Variants in PPM1G observed in about 807,000 individuals in gnomAD.
PPM1G encodes the protein protein phosphatase, Mg2+/Mn2+ dependent 1G, also known as protein phosphatase 1G.
In PPM1G, 12 loss-of-function variants were observed where a neutral mutation model predicts 59.4. The observed-to-expected ratio is 0.20, with a 90% CI of 0.13 to 0.33. The LOEUF (loss-of-function observed/expected upper bound fraction) is 0.33, where lower values mean the gene tolerates loss of function less well. Among genes scored for constraint, PPM1G ranks in the 10% least tolerant of loss-of-function variants. The pLI, the probability that PPM1G is intolerant of heterozygous loss-of-function variation, is 1.00. For missense variants in PPM1G, 392 were observed against 681.3 expected, an observed-to-expected ratio of 0.58 and a Z score of 4.73; for synonymous variants, 245 against 251.9, an observed-to-expected ratio of 0.97 and a Z score of 0.26.
At chr2:27,407,345 G>C (rs968384923) in intron 1 of PPM1G, among the ~76,000 whole-genome samples, 2 of 152,078 alleles carry the variant, frequency 1.3e-5, no homozygotes, top group African/African-American at 2.4e-5. Context: ...CTCAATGAAG[G>C]CTCTGCCTCT....
At chr2:27,405,710 AC>A (rs1450879943) in intron 1 of PPM1G, among the ~76,000 whole-genome samples, 2 of 151,608 alleles carry the variant, frequency 1.3e-5, no homozygotes, top group Admixed American at 1.3e-4. Context: ...TATTTTGATT[AC>A]CTTTTCTCAA....
chr2:27,383,755 A>G lies in PPM1G; in HGVS notation c.967-155T>C, dbSNP rs1683697063. Reference sequence around the variant, plus strand: ...CACATTTCATCTTTCTAGAGACAGCAGCACACTCCCTCTCCCTTGTTTTTA... The same window carrying G: ...CACATTTCATCTTTCTAGAGACAGCGGCACACTCCCTCTCCCTTGTTTTTA... On this transcript the variant is annotated intron_variant, in intron 6 of 9. Coordinates refer to ENST00000344034, the MANE Select transcript of PPM1G (RefSeq NM_177983.3). This position sits in a 1 kb window ranked among gnomAD's most constrained non-coding sequence, Gnocchi z 5.0. Among the ~76,000 whole-genome samples the G allele has an allele frequency of 6.6e-6, 1 of 152,216 alleles. No homozygotes were observed.
rs544049025 is a variant in PPM1G at position 27,383,254 on chromosome 2, A to C, written c.1201+112T>G. The C allele has an allele frequency of 8.2e-6, 7 of 855,160 alleles. No individual in the cohort carries two copies. The highest frequency in any genetic ancestry group is 1.3e-5 in the Non-Finnish European group (7 of 529,704). 53.0% of individuals were successfully genotyped at this position (855,160 alleles called of 1,614,324 possible). A position where few individuals can be genotyped will look rare whatever the true frequency, so the allele number is the denominator to read the frequency against. On this transcript the variant is annotated intron_variant, in intron 7 of 9. Transcript: ENST00000344034. The surrounding 1 kb of genome is among the most constrained non-coding windows in gnomAD (Gnocchi z 5.0). ...AGAAATATAAGAACAGAGGTAGTAG[A>C]TATTAAAGTGCTTTGAAAGGCACAA... is the stretch of plus-strand genomic sequence containing the variant.
At chr2:27,381,830 A>C in intron 9 of PPM1G, 25 bp from the exon 10 acceptor site, 2 of 1,607,970 alleles carry the variant, frequency 1.2e-6, no homozygotes, top group South Asian at 1.1e-5. Flanking sequence ...GGGGTAGCTC[A>C]GCCACAGGGT....
chr2:27,388,928 T>C (rs1037201117), intron 1 of PPM1G, among the ~76,000 whole-genome samples: 1 of 145,296 alleles, frequency 6.9e-6, no homozygotes, highest in Admixed American at 7.0e-5. Context: ...GAAGATCACA[T>C]AGCAAACAAC....
chr2:27,406,643 A>G (rs1031743565), intron 1 of PPM1G, among the ~76,000 whole-genome samples: 1 of 152,172 alleles, frequency 6.6e-6, no homozygotes, highest in Admixed American at 6.6e-5. Flanking sequence ...TTGAGGAGAA[A>G]CCAAAAATAA....
chr2:27,404,077 C>T (rs1045186967), intron 1 of PPM1G, among the ~76,000 whole-genome samples: 1 of 151,994 alleles, frequency 6.6e-6, no homozygotes, highest in Non-Finnish European at 1.5e-5. Flanking sequence ...ATGACTGAAA[C>T]AAATATGCAG....
rs1683731091 is a variant in PPM1G at position 27,385,093 on chromosome 2, A to G, written c.410-5T>C. The G allele has an allele frequency of 1.3e-6, 2 of 1,588,270 alleles. No homozygotes were observed. Among genetic ancestry groups the G allele is most frequent in the Non-Finnish European group, 1.7e-6 (2 of 1,168,990 alleles). On this transcript the variant is annotated splice_polypyrimidine_tract_variant and splice_region_variant and intron_variant, in intron 4 of 9. Transcript: ENST00000344034. This position sits in a 1 kb window ranked among gnomAD's most constrained non-coding sequence, Gnocchi z 4.1. ...GTGCAGCCTCCTCATTGTCCACTGC[A>G]GGGAAGAGGCTAAATCAGAGCCCCC... is the stretch of plus-strand genomic sequence containing the variant.
At chr2:27,409,218 C>T in intron 1 of PPM1G, 85 bp downstream of exon 1, 2 of 1,477,696 alleles carry the variant, frequency 1.4e-6, no homozygotes, top group South Asian at 1.3e-5. Context: ...GGGACCCTTC[C>T]CAGGGGAGGA....
chr2:27,407,972 G>C (rs1663420284), intron 1 of PPM1G, among the ~76,000 whole-genome samples: 1 of 152,002 alleles, frequency 6.6e-6, no homozygotes, highest in Non-Finnish European at 1.5e-5. Flanking sequence ...GCTCGAACCT[G>C]GGAGGCGGAG....
chr2:27,387,137 C>G lies in PPM1G; in HGVS notation c.142G>C (p.Glu48Gln), dbSNP rs1421700577. 2.5e-6 allele frequency: 4 copies of G among 1,613,210 alleles called. No individual in the cohort carries two copies. The highest frequency in any genetic ancestry group is 3.4e-6 in the Non-Finnish European group (4 of 1,179,302). The change falls in exon 2 of 10, where the codon GAG becomes CAG. Residue 48 changes from glutamate to glutamine, a missense_variant. Glu to Gln is a conservative substitution (Grantham distance 29). Transcript: ENST00000344034. ...SMEDAHNCIP[E>Q]LDSETAMFSV... Reference sequence around the variant, plus strand: ...AACATGGCTGTCTCACTGTCCAGCTCAGGAATACAGTTGTGAGCATCCTAG... The same window carrying G: ...AACATGGCTGTCTCACTGTCCAGCTGAGGAATACAGTTGTGAGCATCCTAG...
chr2:27,386,529 A>G, intron 2 of PPM1G: 1 of 290,054 alleles, frequency 3.4e-6, no homozygotes, highest in Non-Finnish European at 6.6e-6. Flanking sequence ...CAGTGAAAAA[A>G]AGATAAAGAA....
In PPM1G at chr2:27,381,643, C is replaced by T; in HGVS notation, c.1597G>A (p.Glu533Lys). 1 of 1,614,134 alleles carries T rather than the reference C, an allele frequency of 6.2e-7. No homozygotes were observed. Among genetic ancestry groups the T allele is most frequent in the Non-Finnish European group, 8.5e-7 (1 of 1,180,036 alleles). ...EEVLSTEGAEENGNSDKKKKA... is the reference protein window; with the variant it reads ...EEVLSTEGAEKNGNSDKKKKA... ...TTCTTCTTGTCGCTGTTGCCATTTT[C>T]TTCAGCCCCCTCAGTAGAGAGCACC... The change falls in exon 10 of 10, where the codon GAA becomes AAA. Residue 533 changes from glutamate to lysine, a missense_variant. This residue lies in a region of PPM1G where 49 missense variants were observed against 43.4 expected (regional missense o/e 1.13). Transcript: ENST00000344034.
intron 1 of PPM1G, among the ~76,000 whole-genome samples, chr2:27,389,250 A>G (rs1683842124): frequency 6.6e-6 from 1 of 152,220 alleles, no homozygotes; most frequent in Non-Finnish European, 1.5e-5. Flanking sequence ...ATATATATAT[A>G]TACACACACA....
At chr2:27,392,908 A>T in intron 1 of PPM1G, 1 of 1,427,702 alleles carries the variant, frequency 7.0e-7, no homozygotes, top group Non-Finnish European at 9.8e-7. Context: ...GATGGCCTTC[A>T]CTTGTTCATT....
Position 27,382,245 on chromosome 2 carries a change from C to T in PPM1G, c.1332-17G>A, listed in dbSNP as rs1466958003. 1.9e-6 allele frequency: 3 copies of T among 1,610,720 alleles called. No individual in the cohort carries two copies. The highest frequency in any genetic ancestry group is 2.5e-6 in the Non-Finnish European group (3 of 1,176,994). On this transcript the variant is annotated splice_polypyrimidine_tract_variant and intron_variant, in intron 8 of 9. Transcript: ENST00000344034. The surrounding 1 kb of genome is among the most constrained non-coding windows in gnomAD (Gnocchi z 4.2). ...ATCACATTCCTGGGGTCAAGAACAA[C>T]AGTCAGAATCTTCCAGTCTCACTAA...
intron 1 of PPM1G, among the ~76,000 whole-genome samples, chr2:27,400,674 C>G (rs1684160728): frequency 1.3e-5 from 2 of 152,122 alleles, no homozygotes; most frequent in Admixed American, 1.3e-4. Flanking sequence ...AGAGAAAATT[C>G]AAGAATTGTT....
At chr2:27,393,276 G>A (rs899892063) in intron 1 of PPM1G, 31 of 1,595,366 alleles carry the variant, frequency 1.9e-5, no homozygotes, top group Admixed American at 3.3e-5. Flanking sequence ...AATGGAGGAG[G>A]CGTAGAGCTC....
chr2:27,390,991 G>A (rs548726000), intron 1 of PPM1G, among the ~76,000 whole-genome samples: 2 of 152,340 alleles, frequency 1.3e-5, no homozygotes, highest in African/African-American at 4.8e-5. Flanking sequence ...CTACATTCAT[G>A]TTGTTGCAAA....
Sources: allele counts gnomAD v4.1 joint callset (sites outside exome capture counted in the v4.1 genomes callset), GRCh38; gene constraint gnomAD v4.1.1; regional missense constraint gnomAD v4.1.1; non-coding constraint Gnocchi (gnomAD v3.1); transcripts MANE v1.5; gene names NCBI Gene and HGNC (gene_info 2026-07-23, HGNC 2026-07-21).